TRAF3IP2: variants seen among roughly 807,000 people sequenced by gnomAD.
The protein encoded by TRAF3IP2 is E3 ubiquitin ligase TRAF3IP2.
TRAF3IP2 carries 35 observed loss-of-function variants against 57.9 expected under a neutral mutation model. That is an observed-to-expected ratio of 0.60 (90% CI 0.46 to 0.80). TRAF3IP2 has a LOEUF of 0.80. Among genes scored for constraint, TRAF3IP2 ranks in the 30% least tolerant of loss-of-function variants. TRAF3IP2 has a pLI of 0.00. For missense variants in TRAF3IP2, 556 were observed against 706.4 expected, an observed-to-expected ratio of 0.79 and a Z score of 2.41; for synonymous variants, 251 against 268.9, an observed-to-expected ratio of 0.93 and a Z score of 0.65.
intron 1 of TRAF3IP2, among the ~76,000 whole-genome samples, chr6:111,602,902 G>A (rs978931272): frequency 1.3e-5 from 2 of 152,130 alleles, no homozygotes; most frequent in Non-Finnish European, 2.9e-5. Context: ...CGAGGAGAGG[G>A]GCACAGGCTG....
At chr6:111,573,291 C>T (rs560699050) in intron 4 of TRAF3IP2, among the ~76,000 whole-genome samples, 1 of 152,272 alleles carries the variant, frequency 6.6e-6, no homozygotes, top group African/African-American at 2.4e-5. Flanking sequence ...AATCCGCGAG[C>T]CCTTAAGATC....
chr6:111,579,948 T>C (rs1198596342), intron 3 of TRAF3IP2, among the ~76,000 whole-genome samples: 1 of 152,174 alleles, frequency 6.6e-6, no homozygotes, highest in East Asian at 1.9e-4. Flanking sequence ...TTGGAGAACA[T>C]CTGAAGAGCC....
At chr6:111,576,141 T>G (rs1157640521) in intron 3 of TRAF3IP2, among the ~76,000 whole-genome samples, 1 of 152,184 alleles carries the variant, frequency 6.6e-6, no homozygotes, top group Non-Finnish European at 1.5e-5. Context: ...CAAAGTAGTA[T>G]GACAGGTGAC....
Position 111,591,847 on chromosome 6 carries a change from G to T in TRAF3IP2, c.240C>A (p.Val80=). 6.2e-7 allele frequency: 1 copy of T among 1,614,228 alleles called. No homozygotes were observed. The highest frequency in any genetic ancestry group is 1.1e-5 in the South Asian group (1 of 91,076). The stretch of plus-strand genomic sequence containing the variant: ...CCAGAACTTGAGTGCGCAGGCAGGT[G>T]ACCTGCCGGGATACAGGCCGCTGGT... ...ANHQRPVSRQ[V]TCLRTQVLED... The change falls in exon 2 of 9, where the codon GTC becomes GTA. Residue 80 remains valine, a synonymous_variant. Transcript: ENST00000368761. The surrounding 1 kb of genome is among the most constrained non-coding windows in gnomAD (Gnocchi z 4.9).
At chr6:111,594,936 TA>T (rs1338129036) in intron 1 of TRAF3IP2, among the ~76,000 whole-genome samples, 4 of 151,764 alleles carry the variant, frequency 2.6e-5, no homozygotes, top group Admixed American at 2.6e-4. Flanking sequence ...AATAATTTTT[TA>T]AAAAACTGGT....
chr6:111,564,550 G>A (rs377152032), intron 7 of TRAF3IP2, among the ~76,000 whole-genome samples: 59 of 152,288 alleles, frequency 3.9e-4, no homozygotes, highest in African/African-American at 1.3e-3. Flanking sequence ...CAGTACCTCT[G>A]CACTACCTCT....
chr6:111,603,485 T>C (rs763741820), intron 1 of TRAF3IP2, among the ~76,000 whole-genome samples: 1 of 152,248 alleles, frequency 6.6e-6, no homozygotes, highest in Non-Finnish European at 1.5e-5. Context: ...AATTCATATA[T>C]GTTTTTAGAA....
intron 2 of TRAF3IP2, among the ~76,000 whole-genome samples, chr6:111,589,155 G>C (rs994696813): frequency 6.9e-6 from 1 of 144,336 alleles, no homozygotes; most frequent in Non-Finnish European, 1.5e-5. Context: ...CTGCCTCCCA[G>C]GTTCAGGCAA....
chr6:111,574,788 T>G (rs1369080849), intron 4 of TRAF3IP2: 1 of 152,240 alleles, frequency 6.6e-6, no homozygotes. Flanking sequence ...AGTATGTGCT[T>G]AAGGAAATCT....
chr6:111,570,277 T>C (rs1795789206), intron 5 of TRAF3IP2, among the ~76,000 whole-genome samples: 1 of 152,230 alleles, frequency 6.6e-6, no homozygotes, highest in African/African-American at 2.4e-5. Context: ...TAGTACTTTA[T>C]AGGAATCCTA....
rs147222483 is a variant in TRAF3IP2, at chr6:111,602,900, G to A, written c.-9+2876C>T. 3.3e-3 allele frequency among the ~76,000 whole-genome samples: 501 copies of A among 152,284 alleles called. 4 individuals carry two copies. Among genetic ancestry groups the A allele is most frequent in the African/African-American group, 0.012 (487 of 41,550 alleles). ...GTGCGGCCTGTGGGGTGCGAGGAGAGGGGCACAGGCTGGGAGCTCCGGTCA... is the reference window on the plus strand; with the variant it reads ...GTGCGGCCTGTGGGGTGCGAGGAGAAGGGCACAGGCTGGGAGCTCCGGTCA... On this transcript the variant is annotated intron_variant, in intron 1 of 8. Transcript: ENST00000368761.
At position 111,591,710 on chromosome 6, in the gene TRAF3IP2, G is replaced by A; in HGVS notation, c.377C>T (p.Pro126Leu). 6 of 1,614,244 alleles carry A rather than the reference G, an allele frequency of 3.7e-6. No individual in the cohort carries two copies. Among genetic ancestry groups the A allele is most frequent in the Non-Finnish European group, 5.1e-6 (6 of 1,180,040 alleles). The change falls in exon 2 of 9, where the codon CCT becomes CTT. Residue 126 changes from proline (P) to leucine (L), a missense_variant. Pro to Leu is a moderately conservative substitution (Grantham distance 98). This residue lies in a region of TRAF3IP2 where 428 missense variants were observed against 498.7 expected (regional missense o/e 0.86). Transcript: ENST00000368761. The surrounding 1 kb of genome is among the most constrained non-coding windows in gnomAD (Gnocchi z 4.9). ...CATAAATGAAAACTGATGCTCTGCA[G>A]GGAGGGCTCCAACCACAGACTCAGA... Reference protein sequence around the residue: ...PASESVVGALPAEHQFSFMEK... With the variant: ...PASESVVGALLAEHQFSFMEK...
At chr6:111,581,356 G>A (rs916078586) in intron 2 of TRAF3IP2, among the ~76,000 whole-genome samples, 6 of 152,110 alleles carry the variant, frequency 3.9e-5, no homozygotes, top group African/African-American at 1.2e-4. Context: ...TGAGCAATGA[G>A]CACCTCCTAG....
chr6:111,600,124 T>C (rs977618605), intron 1 of TRAF3IP2: 8 of 152,340 alleles, frequency 5.3e-5, no homozygotes, highest in African/African-American at 1.7e-4. Flanking sequence ...AAGTGTTGAA[T>C]GTAGAGCCTG....
At chr6:111,596,022 C>G (rs1203821358) in intron 1 of TRAF3IP2, among the ~76,000 whole-genome samples, 2 of 152,044 alleles carry the variant, frequency 1.3e-5, no homozygotes, top group Non-Finnish European at 2.9e-5. Context: ...ACACCCTTCC[C>G]CCACACAGCT....
At chr6:111,570,563 A>G (rs1300288737) in intron 5 of TRAF3IP2, among the ~76,000 whole-genome samples, 1 of 152,132 alleles carries the variant, frequency 6.6e-6, no homozygotes, top group Admixed American at 6.5e-5. Context: ...GATTTCTACC[A>G]CAAGTCTTCA....
chr6:111,580,089 A>G (rs1244476946), intron 3 of TRAF3IP2, 108 bp downstream of exon 3: 3 of 1,309,412 alleles, frequency 2.3e-6, no homozygotes. Context: ...TGACTTGCTC[A>G]CTAACGTGGG....
At chr6:111,560,261 C>A (rs1347369902) in intron 8 of TRAF3IP2, among the ~76,000 whole-genome samples, 2 of 152,150 alleles carry the variant, frequency 1.3e-5, no homozygotes, top group African/African-American at 2.4e-5. Context: ...GTGGAAGAAG[C>A]AAGCTCTGTG....
intron 3 of TRAF3IP2, among the ~76,000 whole-genome samples, chr6:111,579,558 C>G (rs893032802): frequency 3.9e-5 from 6 of 152,064 alleles, no homozygotes; most frequent in Non-Finnish European, 7.4e-5. Context: ...ATAGGGAGAT[C>G]CCTTCACTAC....
Sources: allele counts gnomAD v4.1 joint callset (sites outside exome capture counted in the v4.1 genomes callset), GRCh38; gene constraint gnomAD v4.1.1; regional missense constraint gnomAD v4.1.1; non-coding constraint Gnocchi (gnomAD v3.1); transcripts MANE v1.5; gene names NCBI Gene and HGNC (gene_info 2026-07-23, HGNC 2026-07-21).